BRIX1: variants seen among roughly 807,000 people sequenced by gnomAD.
BRIX1 encodes the protein biogenesis of ribosomes BRX1, also known as ribosome biogenesis protein BRX1 homolog.
In BRIX1, 15 loss-of-function variants were observed where a neutral mutation model predicts 44.0. The observed-to-expected ratio is 0.34, with a 90% CI of 0.23 to 0.53. BRIX1 has a LOEUF of 0.53. Among genes scored for constraint, BRIX1 ranks in the 20% least tolerant of loss-of-function variants. The pLI is 0.95. For synonymous variants in BRIX1, 149 were observed against 135.4 expected (o/e 1.10, Z -0.70); for missense variants, 420 against 432.8 (o/e 0.97, Z 0.26).
chr5:34,922,349 T>C (rs1764258557), intron 4 of BRIX1, 62 bp downstream of exon 4: 1 of 1,122,008 alleles, frequency 8.9e-7, no homozygotes, highest in African/African-American at 1.6e-5. Context: ...TTTGTACCTT[T>C]TATGTTATAG....
rs138439607 is a variant in BRIX1 at position 34,925,283 on chromosome 5, A to C, written c.850A>C (p.Lys284Gln). ...AAKYREKQQV[K>Q]DVQKLRKKEP... ...AAAATACAGAGAGAAACAGCAAGTG[A>C]AAGATGTGCAAAAACTGAGAAAGAA... Residue 284 changes from lysine to glutamine, a missense_variant, in exon 10 of 10, where the codon AAA becomes CAA. Physicochemically the swap from Lys to Gln is moderately conservative, Grantham distance 53. Coordinates refer to ENST00000336767, the MANE Select transcript of BRIX1 (RefSeq NM_018321.4). 2.6e-5 allele frequency: 42 copies of C among 1,613,282 alleles called. No individual in the cohort carries two copies. The highest frequency in any genetic ancestry group is 5.4e-5 in the African/African-American group (4 of 74,756).
chr5:34,923,749 A>G (rs1320551198), intron 8 of BRIX1, among the ~76,000 whole-genome samples: 1 of 152,220 alleles, frequency 6.6e-6, no homozygotes, highest in African/African-American at 2.4e-5. Context: ...CAGGGTTTGC[A>G]TACACAAAAA....
intron 1 of BRIX1, 102 bp from the exon 2 acceptor site, chr5:34,918,262 C>T: frequency 3.4e-6 from 2 of 586,542 alleles, no homozygotes; most frequent in Non-Finnish European, 6.0e-6. Context: ...CTGCAGTGAG[C>T]CGTGAGCACT....
chr5:34,918,140 CAAAAAAAAAA>C (rs1184236238), intron 1 of BRIX1: 1 of 100,634 alleles, frequency 9.9e-6, no homozygotes, highest in Non-Finnish European at 1.8e-5. Flanking sequence ...CCCATCTCTA[CAAAAAAAAAA>C]AAAAAAAAAA....
At chr5:34,918,140 C>CAA (rs1184236238) in intron 1 of BRIX1, 4,370 of 102,378 alleles carry the variant, frequency 0.043, 2 homozygotes, top group Middle Eastern at 0.075. Context: ...CCCATCTCTA[C>CAA]AAAAAAAAAA....
At chr5:34,919,966 T>C (rs906744138) in intron 3 of BRIX1, 83 bp downstream of exon 3, 12 of 580,090 alleles carry the variant, frequency 2.1e-5, no homozygotes, top group Non-Finnish European at 2.8e-5. Context: ...TCAGTGACTT[T>C]AAAAATTATT....
rs1209954185 is a variant in BRIX1 at position 34,925,970 on chromosome 5, A to G, written c.*475A>G. ...TCACTTCAAAAAAGAGTATATTAAA[A>G]TGTTGAGGTTTTGAGAATCAAATGC... On this transcript the variant is annotated 3_prime_UTR_variant, in exon 10 of 10. Coordinates refer to ENST00000336767, the MANE Select transcript of BRIX1 (RefSeq NM_018321.4). 1.3e-5 allele frequency: 2 copies of G among 152,524 alleles called. No individual in the cohort carries two copies. The highest frequency in any genetic ancestry group is 2.9e-5 in the Non-Finnish European group (2 of 68,256). The allele number at this position is 152,524 out of a possible 1,614,324, so 9.4% of individuals were successfully genotyped here.
rs1436361506 is a variant in BRIX1 at position 34,925,834 on chromosome 5, C to T, written c.*339C>T. The T allele has an allele frequency of 5.2e-6, 1 of 192,002 alleles. No individual in the cohort carries two copies. The highest frequency in any genetic ancestry group is 1.1e-5 in the Non-Finnish European group (1 of 93,852). The allele number at this position is 192,002 out of a possible 1,614,324, so 11.9% of individuals were successfully genotyped here. ...GTAAAAGCATTCAACACTTCAAGAG[C>T]ATCGGTTGTGGATGGTAAAGTAGGA... On this transcript the variant is annotated 3_prime_UTR_variant, in exon 10 of 10. Transcript: ENST00000336767.
intron 1 of BRIX1, chr5:34,916,656 T>C (rs1764102004): frequency 6.6e-6 from 1 of 152,252 alleles, no homozygotes; most frequent in East Asian, 1.9e-4. Context: ...GACAGAATAC[T>C]GTGAACAAGG....
rs1764338732 is a variant in BRIX1, at chr5:34,924,944, A to G, written c.761A>G (p.Tyr254Cys). 2 of 1,613,536 alleles carry G rather than the reference A, an allele frequency of 1.2e-6. No individual in the cohort carries two copies. The highest frequency in any genetic ancestry group is 1.7e-6 in the Non-Finnish European group (2 of 1,179,806). ...GGAAGTTTTGGAGGACCAACTTTAT[A>G]TGAAAATCCTCACTACCAGTCACCA... ...FQGSFGGPTL[Y>C]ENPHYQSPNM... The change falls in exon 9 of 10, where the codon TAT becomes TGT. Residue 254 changes from tyrosine to cysteine, a missense_variant. Physicochemically the swap from Tyr to Cys is radical, Grantham distance 194. Transcript: ENST00000336767.
chr5:34,918,410 G>A lies in BRIX1; in HGVS notation c.206G>A (p.Gly69Glu), dbSNP rs773623427. The A allele has an allele frequency of 7.5e-6, 12 of 1,603,864 alleles. No homozygotes were observed. Among genetic ancestry groups the A allele is most frequent in the South Asian group, 1.1e-5 (1 of 89,958 alleles). ...KERILIFSSR[G>E]INFRTRHLMQ... ...CGGATTCTCATCTTTTCTTCCAGAG[G>A]AATAAATTTTAGAACAAGACATTTA... is the stretch of plus-strand genomic sequence containing the variant. Residue 69 changes from glycine (G) to glutamate (E), a missense_variant, in exon 2 of 10, where the codon GGA becomes GAA. Transcript: ENST00000336767.
chr5:34,922,207 C>T lies in BRIX1; in HGVS notation c.316-10C>T. The stretch of plus-strand genomic sequence containing the variant: ...ATCTACTTCATTTTCCTATACTTTG[C>T]TTCCTTTAGGTTTGTGAAATGAAGA... On this transcript the variant is annotated splice_polypyrimidine_tract_variant and intron_variant, in intron 3 of 9. Transcript: ENST00000336767. 2 of 1,511,772 alleles carry T rather than the reference C, an allele frequency of 1.3e-6. No homozygotes were observed. The highest frequency in any genetic ancestry group is 1.8e-6 in the Non-Finnish European group (2 of 1,102,670). The allele number at this position is 1,511,772 out of a possible 1,614,324, so 93.6% of individuals were successfully genotyped here.
intron 1 of BRIX1, 28 bp downstream of exon 1, chr5:34,915,925 C>G (rs1254628685): frequency 4.6e-6 from 7 of 1,512,466 alleles, no homozygotes; most frequent in Non-Finnish European, 6.2e-6. Context: ...CGGGCTACAC[C>G]TGCGGCGGCG....
intron 9 of BRIX1, 115 bp downstream of exon 9, chr5:34,925,090 A>G (rs1162847525): frequency 2.3e-5 from 34 of 1,465,082 alleles, no homozygotes; most frequent in Admixed American, 1.3e-4. Context: ...TTTTTGCTGC[A>G]TAGAAACTTG....
rs1310551203 is a variant in BRIX1 at position 34,922,785 on chromosome 5, G to C, written c.510+17G>C. On this transcript the variant is annotated intron_variant, in intron 6 of 9. Transcript: ENST00000336767. ...TTTGACCCTGTAAGTTTCTCATTCA[G>C]TGTATGAGGTCTAATTTTCTTATCT... 6.2e-7 allele frequency: 1 copy of C among 1,603,332 alleles called. No individual in the cohort carries two copies. The highest frequency in any genetic ancestry group is 8.5e-7 in the Non-Finnish European group (1 of 1,170,868).
chr5:34,921,889 A>G (rs76724502), intron 3 of BRIX1: 1 of 162,246 alleles, frequency 6.2e-6, no homozygotes, highest in African/African-American at 2.4e-5. Context: ...CCTGGGCAAC[A>G]AGAGCGAAAC....
chr5:34,923,313 C>A, intron 8 of BRIX1, 79 bp downstream of exon 8: 2 of 1,180,812 alleles, frequency 1.7e-6, no homozygotes, highest in Non-Finnish European at 2.5e-6. Context: ...GAGTCTCGCT[C>A]TTGTTGCCCA....
rs777140766 is a variant in BRIX1 at position 34,918,488 on chromosome 5, C to G, written c.271+13C>G. 5.5e-6 allele frequency: 8 copies of G among 1,451,600 alleles called. No homozygotes were observed. Among genetic ancestry groups the G allele is most frequent in the Middle Eastern group, 1.8e-4 (1 of 5,528 alleles). 89.9% of individuals were successfully genotyped at this position (1,451,600 alleles called of 1,614,324 possible). A position where few individuals can be genotyped will look rare whatever the true frequency, so the allele number is the denominator to read the frequency against. On this transcript the variant is annotated intron_variant, in intron 2 of 9. Transcript: ENST00000336767. The stretch of plus-strand genomic sequence containing the variant: ...CATTCTAAAGCAGGTGCCTTTATAT[C>G]ATATACTTTAGAAATTTCTATCTAT...
Position 34,915,901 on chromosome 5 carries a change from G to T in BRIX1, c.159+4G>T. ...GATCCCAGGCCCCGTTTGCAAGGTAGGAGGGGATGTCCCCGGGCTACACCT... is the reference window on the plus strand; with the variant it reads ...GATCCCAGGCCCCGTTTGCAAGGTATGAGGGGATGTCCCCGGGCTACACCT... On this transcript the variant is annotated splice_donor_region_variant and intron_variant, in intron 1 of 9. Coordinates refer to ENST00000336767, the MANE Select transcript of BRIX1 (RefSeq NM_018321.4). 1.3e-6 allele frequency: 2 copies of T among 1,548,196 alleles called. No individual in the cohort carries two copies. Among genetic ancestry groups the T allele is most frequent in the Non-Finnish European group, 1.7e-6 (2 of 1,146,350 alleles).
Sources: allele counts gnomAD v4.1 joint callset (sites outside exome capture counted in the v4.1 genomes callset), GRCh38; gene constraint gnomAD v4.1.1; transcripts MANE v1.5; gene names NCBI Gene and HGNC (gene_info 2026-07-23, HGNC 2026-07-21).